KLK15: variants seen among roughly 807,000 people sequenced by gnomAD.
KLK15 encodes the protein kallikrein related peptidase 15.
In KLK15, 19 loss-of-function variants were observed where a neutral mutation model predicts 21.1. The ratio of observed to expected loss-of-function variants is 0.90; its 90% CI spans 0.63 to 1.32. The LOEUF (loss-of-function observed/expected upper bound fraction) is 1.32. Among genes scored for constraint, KLK15 ranks in the 40% most tolerant of loss-of-function variants. KLK15 has a pLI of 0.00. For synonymous variants in KLK15, 141 were observed against 141.5 expected, an observed-to-expected ratio of 1.00 and a Z score of 0.03; for missense variants, 345 against 348.6, an observed-to-expected ratio of 0.99 and a Z score of 0.08.
chr19:50,831,263 G>A (rs1476493971), intron 1 of KLK15, 187 bp downstream of exon 2: 4 of 425,076 alleles, frequency 9.4e-6, no homozygotes, highest in Non-Finnish European at 1.6e-5. Flanking sequence ...GCAACATAGC[G>A]ACTCCAGAGC....
chr19:50,827,215 C>CT, intron 2 of KLK15, 54 bp from the exon 4 acceptor site: 1 of 1,516,706 alleles, frequency 6.6e-7, no homozygotes, highest in Non-Finnish European at 8.8e-7. Flanking sequence ...TGGTTACCCG[C>CT]AAGTAGAGGA....
upstream of KLK15, chr19:50,833,279 T>A (rs2090020214): frequency 6.5e-6 from 1 of 153,402 alleles, no homozygotes; most frequent in Admixed American, 6.6e-5. Context: ...TTGGCTCTGA[T>A]ACAAGTACTT....
At chr19:50,831,504 G>C (rs779287669) in exon 1 of KLK15, 2 of 1,459,064 alleles carry the variant, frequency 1.4e-6, no homozygotes, top group South Asian at 1.4e-5. Context: ...GTGGAGGAGG[G>C]ACCAGGGTTC....
chr19:50,828,969 CAAAAAA>C (rs3078002), intron 1 of KLK15, among the ~76,000 whole-genome samples: 1 of 56,638 alleles, frequency 1.8e-5, no homozygotes, highest in Non-Finnish European at 3.2e-5. Flanking sequence ...AACTCCATCT[CAAAAAA>C]AAAAAAAAAA....
intron 1 of KLK15, among the ~76,000 whole-genome samples, chr19:50,829,672 C>T (rs1294982407): frequency 6.6e-6 from 1 of 151,676 alleles, no homozygotes; most frequent in Admixed American, 6.6e-5. Flanking sequence ...ATACAAAAAT[C>T]AGCTGGGCGT....
chr19:50,831,539 G>C, upstream of KLK15: 2 of 1,426,226 alleles, frequency 1.4e-6, no homozygotes, highest in Non-Finnish European at 1.8e-6. Flanking sequence ...GAGGGAGTGA[G>C]AGAATCCAGG....
At chr19:50,827,128 C>T (rs765965361) in exon 3 of KLK15, 1 of 1,599,444 alleles carries the variant, frequency 6.3e-7, no homozygotes, top group Admixed American at 1.7e-5. Flanking sequence ...CGCGCTTGCG[C>T]AGGTTGTGCT....
At chr19:50,831,520 C>T (rs1008148884) in exon 1 of KLK15, 1 of 1,456,502 alleles carries the variant, frequency 6.9e-7, no homozygotes, top group Non-Finnish European at 9.0e-7. Context: ...GGTTCGGCTG[C>T]AGTCTGGGGA....
At chr19:50,827,793 C>T in exon 2 of KLK15, 1 of 1,611,372 alleles carries the variant, frequency 6.2e-7, no homozygotes, top group Non-Finnish European at 8.5e-7. Flanking sequence ...CACCTTCCAG[C>T]AACTTGTCAC....
At chr19:50,826,120 A>C (rs2123399410) in intron 4 of KLK15, 172 bp from the exon 6 acceptor site, 1 of 601,060 alleles carries the variant, frequency 1.7e-6, no homozygotes, top group Non-Finnish European at 2.9e-6. Flanking sequence ...ACCCAACCCC[A>C]ACCCCAACCC....
At chr19:50,829,650 A>T (rs915283970) in intron 1 of KLK15, among the ~76,000 whole-genome samples, 1 of 151,658 alleles carries the variant, frequency 6.6e-6, no homozygotes, top group Admixed American at 6.6e-5. Flanking sequence ...ATAAATAAAT[A>T]AATAAATAAA....
At chr19:50,828,590 C>T (rs1294213164) in intron 1 of KLK15, among the ~76,000 whole-genome samples, 1 of 151,692 alleles carries the variant, frequency 6.6e-6, no homozygotes, top group African/African-American at 2.4e-5. Context: ...CATACATGCA[C>T]ATCCAGCTTC....
upstream of KLK15, among the ~76,000 whole-genome samples, chr19:50,832,355 C>T (rs1428590168): frequency 4.5e-5 from 6 of 131,942 alleles, no homozygotes; most frequent in African/African-American, 1.8e-4. Flanking sequence ...CGGAGTCTGG[C>T]TCTGTAGCCC....
At chr19:50,826,912 G>C (rs766555695) in exon 3 of KLK15, 14 of 1,578,180 alleles carry the variant, frequency 8.9e-6, no homozygotes, top group African/African-American at 1.3e-5. Context: ...TCCCAGGCTC[G>C]TTGTGGGACA....
At chr19:50,830,155 G>A (rs1488458610) in intron 1 of KLK15, among the ~76,000 whole-genome samples, 1 of 125,052 alleles carries the variant, frequency 8.0e-6, no homozygotes, top group Non-Finnish European at 1.7e-5. Flanking sequence ...CTGCACACGT[G>A]CATGTACACA....
intron 1 of KLK15, among the ~76,000 whole-genome samples, chr19:50,828,184 G>C (rs906746957): frequency 2.0e-5 from 3 of 151,486 alleles, no homozygotes; most frequent in Non-Finnish European, 4.4e-5. Context: ...GACTTCAAAT[G>C]CTCTGCCCGC....
rs778621240 is a variant in KLK15 at position 50,830,382 on chromosome 19, C to A, written c.43+1068G>T. 3.9e-5 allele frequency: 6 copies of A among 151,970 alleles called. 1 individual carries two copies. The highest frequency in any genetic ancestry group is 8.8e-5 in the Non-Finnish European group (6 of 67,990). The allele number at this position is 151,970 out of a possible 1,614,324, so 9.4% of individuals were successfully genotyped here. Reference sequence around the variant, plus strand: ...TCACAGTCAGGAACTGGGCCAAAGGCCCCCGTGAGACCAGGGGAATGCGGA... The same window carrying A: ...TCACAGTCAGGAACTGGGCCAAAGGACCCCGTGAGACCAGGGGAATGCGGA... On this transcript the variant is annotated intron_variant, in intron 1 of 4. Transcript: ENST00000598239.
intron 1 of KLK15, among the ~76,000 whole-genome samples, chr19:50,828,093 C>T (rs2089917335): frequency 6.6e-6 from 1 of 151,390 alleles, no homozygotes; most frequent in African/African-American, 2.4e-5. Flanking sequence ...GCTGAGGTGC[C>T]CGCCACCACA....
chr19:50,830,558 G>C (rs8104227), intron 1 of KLK15: 1 of 156,742 alleles, frequency 6.4e-6, no homozygotes, highest in African/African-American at 2.4e-5. Context: ...AGGCAGGCGC[G>C]AGGCAGGTAG....
Sources: gnomAD v4.1 joint callset for allele counts (sites outside exome capture counted in the v4.1 genomes callset) on GRCh38, gnomAD v4.1.1 for gene constraint, MANE v1.5 for transcripts, NCBI Gene and HGNC (gene_info 2026-07-23, HGNC 2026-07-21) for gene names.